The following CALM2 variants were observed in gnomAD, a reference collection of about 807,000 sequenced individuals.
The protein encoded by CALM2 is calmodulin 2.
In CALM2, 2 loss-of-function variants were observed where a neutral mutation model predicts 19.8. The ratio of observed to expected loss-of-function variants is 0.10; its 90% CI spans 0.04 to 0.32. The LOEUF is 0.32. Ranked by LOEUF, CALM2 falls within the 10% of genes least tolerant of loss-of-function variation. The pLI is 1.00. For synonymous variants in CALM2, 51 were observed against 52.1 expected, an observed-to-expected ratio of 0.98 and a Z score of 0.09; for missense variants, 38 against 178.7, an observed-to-expected ratio of 0.21 and a Z score of 4.49.
At chr2:47,175,294 T>C (rs1666817293) in intron 1 of CALM2, among the ~76,000 whole-genome samples, 2 of 152,004 alleles carry the variant, frequency 1.3e-5, no homozygotes, top group Non-Finnish European at 2.9e-5. Context: ...AGGGGAGCAA[T>C]GTTTTTATGT....
chr2:47,176,823 C>T, upstream of CALM2: 2 of 985,454 alleles, frequency 2.0e-6, no homozygotes, highest in South Asian at 9.4e-5. Flanking sequence ...GGTCGTTGAG[C>T]CTGCCTCTGA....
intron 2 of CALM2, among the ~76,000 whole-genome samples, chr2:47,170,124 C>T (rs1033301965): frequency 6.6e-6 from 1 of 152,176 alleles, no homozygotes; most frequent in Non-Finnish European, 1.5e-5. Context: ...ATTTTGCATA[C>T]TTCCATAGCA....
intron 1 of CALM2, among the ~76,000 whole-genome samples, chr2:47,174,550 T>C (rs1666782567): frequency 6.6e-6 from 1 of 152,144 alleles, no homozygotes; most frequent in African/African-American, 2.4e-5. Flanking sequence ...ATTTTTTTTT[T>C]CGACTTTGTC....
intron 2 of CALM2, among the ~76,000 whole-genome samples, chr2:47,166,026 T>C (rs906657449): frequency 3.3e-5 from 5 of 152,218 alleles, no homozygotes; most frequent in African/African-American, 1.2e-4. Flanking sequence ...TACTGGTTTA[T>C]AGAGGAACTC....
At chr2:47,165,424 A>T (rs890107726) in intron 2 of CALM2, among the ~76,000 whole-genome samples, 40 of 152,228 alleles carry the variant, frequency 2.6e-4, no homozygotes, top group African/African-American at 9.6e-4. Flanking sequence ...CCCATAAAAA[A>T]ATTAGTATGT....
intron 2 of CALM2, among the ~76,000 whole-genome samples, chr2:47,168,216 C>G (rs1666551809): frequency 6.6e-6 from 1 of 152,040 alleles, no homozygotes; most frequent in South Asian, 2.1e-4. Flanking sequence ...TTCCTCTGCC[C>G]TAAATCTTAA....
At chr2:47,176,751 G>T (rs1435734671), upstream of CALM2, 14 of 1,363,964 alleles carry the variant, frequency 1.0e-5, no homozygotes, top group Non-Finnish European at 1.3e-5. Context: ...CGGTGGAGCG[G>T]CCCCTGAGGG....
chr2:47,161,624 T>G, intron 5 of CALM2, 99 bp downstream of exon 5: 1 of 1,098,566 alleles, frequency 9.1e-7, no homozygotes. Context: ...GCAACCTAAT[T>G]TCAGGGGAAG....
chr2:47,164,920 T>C (rs1163027104), intron 2 of CALM2, among the ~76,000 whole-genome samples: 1 of 152,212 alleles, frequency 6.6e-6, no homozygotes, highest in Non-Finnish European at 1.5e-5. Context: ...GTATTACCTC[T>C]TCCCTGGACT....
At chr2:47,166,856 A>G (rs1666493709) in intron 2 of CALM2, among the ~76,000 whole-genome samples, 1 of 152,214 alleles carries the variant, frequency 6.6e-6, no homozygotes, top group Non-Finnish European at 1.5e-5. Flanking sequence ...GCTATCTTCT[A>G]CATAATTGAT....
At chr2:47,162,912 T>C (rs1687199672) in intron 2 of CALM2, 2 of 355,708 alleles carry the variant, frequency 5.6e-6, no homozygotes, top group South Asian at 1.1e-4. Flanking sequence ...ATCTTTATGA[T>C]ACCTTATGAT....
intron 2 of CALM2, among the ~76,000 whole-genome samples, chr2:47,167,001 AT>A (rs1218736122): frequency 2.3e-4 from 35 of 152,330 alleles, no homozygotes. Flanking sequence ...TAAACATATA[AT>A]TTTATTAAAA....
Position 47,161,764 on chromosome 2 carries a change from C to T in CALM2, c.380G>A (p.Arg127Lys). 6.2e-7 allele frequency: 1 copy of T among 1,613,140 alleles called. No homozygotes were observed. Among genetic ancestry groups the T allele is most frequent in the Non-Finnish European group, 8.5e-7 (1 of 1,179,616 alleles). Residue 127 changes from arginine (R) to lysine (K), a missense_variant, in exon 5 of 6, where the codon AGG (arginine) becomes AAG (lysine). Physicochemically the swap from Arg to Lys is conservative, Grantham distance 26 (BLOSUM62 2). Coordinates refer to ENST00000272298, the MANE Select transcript of CALM2 (RefSeq NM_001743.6). Reference sequence around the variant, plus strand: ...ACCATCACCATCAATATCTGCTTCCCTGATCATTTCATCAACTTCTTCATC... The same window carrying T: ...ACCATCACCATCAATATCTGCTTCCTTGATCATTTCATCAACTTCTTCATC... The part of the protein sequence containing the change: ...LTDEEVDEMI[R>K]EADIDGDGQV...
intron 1 of CALM2, chr2:47,171,754 G>C (rs1237445212): frequency 1.3e-5 from 2 of 152,056 alleles, no homozygotes; most frequent in African/African-American, 4.8e-5. Context: ...ACCAACATGG[G>C]AGTCAAGTAT....
intron 2 of CALM2, among the ~76,000 whole-genome samples, chr2:47,170,012 C>T (rs1233698409): frequency 3.3e-5 from 5 of 149,654 alleles, no homozygotes; most frequent in Non-Finnish European, 5.9e-5. Flanking sequence ...GTTTCCCCAA[C>T]ATTGACATTA....
At chr2:47,166,342 T>C (rs1666471323) in intron 2 of CALM2, among the ~76,000 whole-genome samples, 1 of 152,240 alleles carries the variant, frequency 6.6e-6, no homozygotes, top group Non-Finnish European at 1.5e-5. Context: ...ACACCACCAT[T>C]AGGTGCATAA....
intron 1 of CALM2, among the ~76,000 whole-genome samples, chr2:47,175,082 T>TTTTTTTG (rs1491503517): frequency 4.2e-4 from 5 of 11,890 alleles, no homozygotes; most frequent in Non-Finnish European, 1.1e-3. Flanking sequence ...TCATTAGGTG[T>TTTTTTTG]TTTTTTTTTT....
At chr2:47,175,633 AGAAG>A (rs1392866883) in intron 1 of CALM2, among the ~76,000 whole-genome samples, 1 of 151,334 alleles carries the variant, frequency 6.6e-6, no homozygotes, top group African/African-American at 2.4e-5. Flanking sequence ...GCCCAGATGG[AGAAG>A]GAAGATTAGG....
intron 1 of CALM2, among the ~76,000 whole-genome samples, chr2:47,175,955 C>G (rs1287196799): frequency 6.6e-6 from 1 of 151,364 alleles, no homozygotes; most frequent in Admixed American, 6.6e-5. Flanking sequence ...CGCCCCAGGG[C>G]CCCGCGCGCT....
Sources: gnomAD v4.1 joint callset for allele counts (sites outside exome capture counted in the v4.1 genomes callset) on GRCh38, gnomAD v4.1.1 for gene constraint, MANE v1.5 for transcripts, NCBI Gene and HGNC (gene_info 2026-07-23, HGNC 2026-07-21) for gene names.